The following HCN1 variants were observed in gnomAD, a reference collection of about 807,000 sequenced individuals.
The protein encoded by HCN1 is potassium/sodium hyperpolarization-activated cyclic nucleotide-gated channel 1.
A neutral mutation model predicts 78.9 loss-of-function variants in HCN1; 13 were observed. The observed-to-expected ratio is 0.16, with a 90% CI of 0.11 to 0.26. The LOEUF (loss-of-function observed/expected upper bound fraction) is 0.26, where lower values mean the gene tolerates loss of function less well. Among genes scored for constraint, HCN1 ranks in the 10% least tolerant of loss-of-function variants. The pLI is 1.00. For synonymous variants in HCN1, 552 were observed against 455.5 expected (o/e 1.21, Z -2.70); for missense variants, 810 against 1,154.3 (o/e 0.70, Z 4.32).
At chr5:45,586,481 C>T (rs1404753571) in intron 2 of HCN1, among the ~76,000 whole-genome samples, 1 of 152,090 alleles carries the variant, frequency 6.6e-6, no homozygotes, top group South Asian at 2.1e-4. Context: ...CCGGGTGAGG[C>T]GATGCCTCAC....
At chr5:45,383,795 C>A (rs1579859675) in intron 4 of HCN1, among the ~76,000 whole-genome samples, 2 of 151,514 alleles carry the variant, frequency 1.3e-5, no homozygotes, top group East Asian at 3.9e-4. Context: ...GGGTTATTTC[C>A]AGATAATATA....
At chr5:45,674,995 T>C (rs1273549032) in intron 1 of HCN1, among the ~76,000 whole-genome samples, 1 of 151,778 alleles carries the variant, frequency 6.6e-6, no homozygotes, top group Non-Finnish European at 1.5e-5. Flanking sequence ...TGTATGTAGG[T>C]GGCACATAAC....
chr5:45,617,994 C>T (rs928993364), intron 2 of HCN1, among the ~76,000 whole-genome samples: 1 of 132,056 alleles, frequency 7.6e-6, no homozygotes, highest in Non-Finnish European at 1.8e-5. Context: ...AATAACAAAG[C>T]GTAAGCTCTG....
In HCN1 at chr5:45,449,810, AT is replaced by A. The variant is rs549502989; in HGVS notation, c.1011+12035del. On this transcript the variant is annotated intron_variant, in intron 3 of 7. Transcript: ENST00000303230. ...CATTCTGCCATACCTATGCATAAGA[AT>A]ATTGAAATTGTAAGAACATAAGTTG... 2.5e-3 allele frequency among the ~76,000 whole-genome samples: 388 copies of A among 152,238 alleles called. 1 individual carries two copies. Among genetic ancestry groups the A allele is most frequent in the Non-Finnish European group, 3.9e-3 (266 of 67,992 alleles).
intron 5 of HCN1, among the ~76,000 whole-genome samples, chr5:45,334,511 T>C (rs180856310): frequency 2.0e-5 from 3 of 152,022 alleles, no homozygotes; most frequent in Admixed American, 6.6e-5. Context: ...AGTATCCTCA[T>C]TTTACTTTTT....
intron 2 of HCN1, among the ~76,000 whole-genome samples, chr5:45,483,883 C>A (rs949837939): frequency 6.6e-6 from 1 of 152,098 alleles, no homozygotes; most frequent in African/African-American, 2.4e-5. Flanking sequence ...GGAGTCTTTT[C>A]TCATTGCTTA....
chr5:45,277,725 T>C (rs952909576), intron 6 of HCN1, among the ~76,000 whole-genome samples: 17 of 152,124 alleles, frequency 1.1e-4, no homozygotes, highest in Non-Finnish European at 1.0e-4. Context: ...GATTGATGCT[T>C]ACTCCAAAGA....
intron 3 of HCN1, among the ~76,000 whole-genome samples, chr5:45,417,511 A>T (rs141625797): frequency 3.3e-5 from 5 of 152,000 alleles, no homozygotes; most frequent in African/African-American, 1.2e-4. Context: ...TTTCATTTCT[A>T]AAATAAATAC....
At chr5:45,605,705 G>A (rs1744711803) in intron 2 of HCN1, among the ~76,000 whole-genome samples, 1 of 151,880 alleles carries the variant, frequency 6.6e-6, no homozygotes, top group African/African-American at 2.4e-5. Context: ...GAAACTATTG[G>A]AGTCAGTCCT....
At chr5:45,525,857 T>A (rs1307362403) in intron 2 of HCN1, among the ~76,000 whole-genome samples, 6 of 151,984 alleles carry the variant, frequency 3.9e-5, no homozygotes, top group African/African-American at 1.4e-4. Context: ...TAACACCCAA[T>A]ACAATAGCAT....
chr5:45,374,004 TATAC>T (rs1747512013), intron 4 of HCN1, among the ~76,000 whole-genome samples: 1 of 74,352 alleles, frequency 1.3e-5, no homozygotes, highest in Non-Finnish European at 2.4e-5. Context: ...ATATATATTA[TATAC>T]ATAATATATA....
chr5:45,375,913 TTA>T (rs1747635458), intron 4 of HCN1, among the ~76,000 whole-genome samples: 1 of 122,160 alleles, frequency 8.2e-6, no homozygotes, highest in South Asian at 2.4e-4. Flanking sequence ...ATATTTTATC[TTA>T]TATATTATAT....
intron 5 of HCN1, among the ~76,000 whole-genome samples, chr5:45,329,931 T>G (rs1746311927): frequency 6.6e-6 from 1 of 151,324 alleles, no homozygotes; most frequent in Non-Finnish European, 1.5e-5. Flanking sequence ...GTTGGGGCAG[T>G]CAAGGAGATT....
chr5:45,582,734 T>C (rs1168172088), intron 2 of HCN1, among the ~76,000 whole-genome samples: 2 of 152,084 alleles, frequency 1.3e-5, no homozygotes, highest in Admixed American at 6.6e-5. Context: ...GCATGAAGGG[T>C]TGTTGAATTT....
At chr5:45,447,152 A>G (rs1304102518) in intron 3 of HCN1, among the ~76,000 whole-genome samples, 1 of 152,216 alleles carries the variant, frequency 6.6e-6, no homozygotes, top group Non-Finnish European at 1.5e-5. Flanking sequence ...TCTCACGTGC[A>G]GAGACACACA....
chr5:45,393,582 G>T (rs1476898052), intron 4 of HCN1, among the ~76,000 whole-genome samples: 1 of 152,094 alleles, frequency 6.6e-6, no homozygotes, highest in Admixed American at 6.6e-5. Flanking sequence ...TGGAGGCTTG[G>T]CATGAAGGTC....
rs769934821 is a variant in HCN1, at chr5:45,267,094, C to T, written c.1778G>A (p.Arg593Gln). The T allele has an allele frequency of 9.9e-6, 16 of 1,610,946 alleles. No individual in the cohort carries two copies. Among genetic ancestry groups the T allele is most frequent in the South Asian group, 2.2e-5 (2 of 91,010 alleles). The change falls in exon 7 of 8, where the codon CGA becomes CAA. Residue 593 changes from arginine to glutamine, a missense_variant. Physicochemically the swap from Arg to Gln is conservative, Grantham distance 43. Around this residue, in one of 6 missense-constraint regions of HCN1, gnomAD observed 398 missense variants for 381.3 expected, o/e 1.04. Coordinates refer to ENST00000303230, the MANE Select transcript of HCN1 (RefSeq NM_021072.4). ...FETVAIDRLD[R>Q]IGKKNSILLQ... The stretch of plus-strand genomic sequence containing the variant: ...AAGGTAGAAAACTAGAGTACCTATT[C>T]GATCTAGTCGGTCAATGGCAACTGT...
chr5:45,496,127 G>A (rs1237569603), intron 2 of HCN1, among the ~76,000 whole-genome samples: 1 of 152,048 alleles, frequency 6.6e-6, no homozygotes, highest in East Asian at 1.9e-4. Flanking sequence ...AAATGAGTTA[G>A]GGAGGATTCC....
At chr5:45,375,961 TAAA>T (rs1403729078) in intron 4 of HCN1, among the ~76,000 whole-genome samples, 2 of 118,314 alleles carry the variant, frequency 1.7e-5, no homozygotes, top group African/African-American at 7.2e-5. Context: ...TTATATATGA[TAAA>T]ATATTTTATC....
Sources: gnomAD v4.1 joint callset for allele counts (sites outside exome capture counted in the v4.1 genomes callset) on GRCh38, gnomAD v4.1.1 for gene constraint, gnomAD v4.1.1 regional missense constraint, MANE v1.5 for transcripts, NCBI Gene and HGNC (gene_info 2026-07-23, HGNC 2026-07-21) for gene names.